Variants in LIX1 observed in about 807,000 individuals in gnomAD.
The protein encoded by LIX1 is limb and CNS expressed 1, also known as protein limb expression 1 homolog.
A neutral mutation model predicts 33.4 loss-of-function variants in LIX1; 24 were observed. The ratio of observed to expected loss-of-function variants is 0.72; its 90% CI spans 0.52 to 1.01. LIX1 has a LOEUF of 1.01. Ranked by LOEUF, LIX1 falls within the 50% of genes least tolerant of loss-of-function variation. LIX1 has a pLI of 0.00. For missense variants in LIX1, 311 were observed against 339.2 expected (o/e 0.92, Z 0.65); for synonymous variants, 124 against 124.0 (o/e 1.00, Z 0.00).
rs78374591 is a variant in LIX1 at position 97,131,693 on chromosome 5, C to A, written c.83-7064G>T. ...CACAGGCTGGATACTCACCTAGAAG[C>A]AGTCATTGAATTCATTTGGAATCTA... On this transcript the variant is annotated intron_variant, in intron 1 of 5. Coordinates refer to ENST00000274382, the MANE Select transcript of LIX1 (RefSeq NM_153234.5). Among the ~76,000 whole-genome samples, 485 of 152,368 alleles carry A rather than the reference C, an allele frequency of 3.2e-3. 7 individuals carry two copies. Among genetic ancestry groups the A allele is most frequent in the African/African-American group, 0.011 (465 of 41,592 alleles).
chr5:97,101,628 T>C (rs1746703216), intron 4 of LIX1: 1 of 152,234 alleles, frequency 6.6e-6, no homozygotes, highest in Non-Finnish European at 1.5e-5. Context: ...ATTCATTTCA[T>C]GTAAACAGAC....
chr5:97,120,051 T>C (rs1285298727), intron 2 of LIX1, among the ~76,000 whole-genome samples: 3 of 152,222 alleles, frequency 2.0e-5, no homozygotes, highest in African/African-American at 7.2e-5. Flanking sequence ...AAAAAGTTGC[T>C]ATGCATAAAT....
At chr5:97,121,339 C>A (rs556912932) in intron 2 of LIX1, among the ~76,000 whole-genome samples, 1 of 152,204 alleles carries the variant, frequency 6.6e-6, no homozygotes, top group East Asian at 1.9e-4. Context: ...TTCTTTAACT[C>A]AAAGAAAATT....
intron 2 of LIX1, among the ~76,000 whole-genome samples, chr5:97,117,777 T>C (rs941115730): frequency 1.6e-4 from 24 of 152,208 alleles, no homozygotes; most frequent in Non-Finnish European, 3.4e-4. Context: ...GAAAACCAGA[T>C]TGGCATAAAA....
intron 2 of LIX1, among the ~76,000 whole-genome samples, chr5:97,113,320 T>C (rs1199308084): frequency 1.3e-5 from 2 of 152,260 alleles, no homozygotes; most frequent in Non-Finnish European, 2.9e-5. Context: ...TCCAGATCCC[T>C]GATCCTCGGA....
At chr5:97,098,400 A>G (rs1746502530) in intron 4 of LIX1, among the ~76,000 whole-genome samples, 1 of 152,242 alleles carries the variant, frequency 6.6e-6, no homozygotes. Flanking sequence ...TGCGGTTACA[A>G]TTAGAAGTTT....
At chr5:97,134,419 A>C (rs12520374) in intron 1 of LIX1, among the ~76,000 whole-genome samples, 71,531 of 152,132 alleles carry the variant, frequency 0.47, 17,613 homozygotes, top group African/African-American at 0.63. Flanking sequence ...CGTGCCCGGC[A>C]GCCATATTTC....
chr5:97,102,891 T>A, intron 4 of LIX1: 1 of 347,654 alleles, frequency 2.9e-6, no homozygotes, highest in Non-Finnish European at 5.6e-6. Flanking sequence ...AACTACAATA[T>A]TATTTGGAGG....
rs139375478 is a variant in LIX1 at position 97,108,279 on chromosome 5, G to A, written c.247-779C>T. On this transcript the variant is annotated intron_variant, in intron 2 of 5. Transcript: ENST00000274382. ...TTTCTCCCTTGGTCTCAATCCATGC[G>A]GTTTTGCTGGGACATACTGCATTCA... 4.3e-3 allele frequency among the ~76,000 whole-genome samples: 657 copies of A among 152,206 alleles called. 4 individuals are homozygous for A. Among genetic ancestry groups the A allele is most frequent in the African/African-American group, 0.015 (627 of 41,524 alleles).
Position 97,094,521 on chromosome 5 carries a change from C to T in LIX1, c.*227G>A, listed in dbSNP as rs947942207. The T allele has an allele frequency of 1.5e-5, 8 of 517,488 alleles. No individual in the cohort carries two copies. Among genetic ancestry groups the T allele is most frequent in the African/African-American group, 1.5e-4 (8 of 52,472 alleles). 32.1% of individuals were successfully genotyped at this position (517,488 alleles called of 1,614,324 possible). On this transcript the variant is annotated 3_prime_UTR_variant, in exon 6 of 6. Coordinates refer to ENST00000274382, the MANE Select transcript of LIX1 (RefSeq NM_153234.5). ...AACAATTTTGTGTCTATCCTTTCAT[C>T]CTGAGCTGGAACTATTGAGAATGTG...
intron 3 of LIX1, among the ~76,000 whole-genome samples, chr5:97,106,743 G>C (rs1747050845): frequency 6.6e-6 from 1 of 152,034 alleles, no homozygotes; most frequent in South Asian, 2.1e-4. Flanking sequence ...TTTAAGACAG[G>C]GTGTTTTGCT....
intron 2 of LIX1, among the ~76,000 whole-genome samples, chr5:97,112,526 G>A (rs1009936349): frequency 3.9e-5 from 6 of 152,098 alleles, no homozygotes; most frequent in African/African-American, 9.7e-5. Flanking sequence ...TTTGTAAACC[G>A]TGTCTTTTCT....
rs1747105379 is a variant in LIX1 at position 97,107,363 on chromosome 5, G to C, written c.384C>G (p.Thr128=). Residue 128 remains threonine (T), a synonymous_variant, in exon 3 of 6, where the codon ACC becomes ACG. Transcript: ENST00000274382. ...MESVQEAVAS[T]SGTLDDADDP... is the part of the protein sequence containing the mutation. ...GCCCTCCATGGTGGGTACTCACGCT[G>C]GTGGAGGCTACTGCTTCCTGAACAC... 6.2e-7 allele frequency: 1 copy of C among 1,612,026 alleles called. No homozygotes were observed. Among genetic ancestry groups the C allele is most frequent in the Non-Finnish European group, 8.5e-7 (1 of 1,179,916 alleles).
At chr5:97,139,285 A>G (rs1748235719) in intron 1 of LIX1, among the ~76,000 whole-genome samples, 1 of 152,230 alleles carries the variant, frequency 6.6e-6, no homozygotes, top group Non-Finnish European at 1.5e-5. Context: ...TGAGGACTTG[A>G]TGTCTTAGCC....
intron 4 of LIX1, among the ~76,000 whole-genome samples, chr5:97,097,802 C>T (rs906488421): frequency 2.6e-5 from 4 of 152,134 alleles, no homozygotes; most frequent in Non-Finnish European, 4.4e-5. Context: ...TCTAGATTGC[C>T]GTGCTGAAAC....
At chr5:97,123,291 G>A (rs1747830387) in intron 2 of LIX1, among the ~76,000 whole-genome samples, 1 of 151,998 alleles carries the variant, frequency 6.6e-6, no homozygotes, top group South Asian at 2.1e-4. Flanking sequence ...GATAGGGGAG[G>A]GCGATTGCTG....
intron 1 of LIX1, among the ~76,000 whole-genome samples, chr5:97,126,309 T>G (rs1324391289): frequency 2.6e-5 from 4 of 152,230 alleles, no homozygotes; most frequent in Non-Finnish European, 5.9e-5. Context: ...GAGTGTGATC[T>G]GGAGGCAAAA....
At chr5:97,103,723 T>C (rs1032469378) in intron 4 of LIX1, among the ~76,000 whole-genome samples, 1 of 152,152 alleles carries the variant, frequency 6.6e-6, no homozygotes, top group African/African-American at 2.4e-5. Flanking sequence ...CCTAGCACTT[T>C]GGGAGGCCAA....
intron 1 of LIX1, among the ~76,000 whole-genome samples, chr5:97,139,323 T>C (rs73778007): frequency 0.024 from 3,583 of 152,300 alleles, 127 homozygotes; most frequent in African/African-American, 0.069. Context: ...AAGAAAGAGC[T>C]CAAAGATGGC....
Sources: gnomAD v4.1 joint callset for allele counts (sites outside exome capture counted in the v4.1 genomes callset) on GRCh38, gnomAD v4.1.1 for gene constraint, MANE v1.5 for transcripts, NCBI Gene and HGNC (gene_info 2026-07-23, HGNC 2026-07-21) for gene names.